LRRTM4: variants seen among roughly 807,000 people sequenced by gnomAD.
LRRTM4 encodes leucine-rich repeat transmembrane neuronal protein 4.
A neutral mutation model predicts 47.6 loss-of-function variants in LRRTM4; 25 were observed. That is an observed-to-expected ratio of 0.53 (90% CI 0.38 to 0.73). The LOEUF is 0.73. Ranked by LOEUF, LRRTM4 falls within the 30% of genes least tolerant of loss-of-function variation. LRRTM4 has a pLI of 0.00. For synonymous variants in LRRTM4, 311 were observed against 269.5 expected (o/e 1.15, Z -1.51); for missense variants, 638 against 713.4 (o/e 0.89, Z 1.20).
intron 3 of LRRTM4, among the ~76,000 whole-genome samples, chr2:77,317,061 A>G (rs1677639516): frequency 6.6e-6 from 1 of 152,230 alleles, no homozygotes; most frequent in East Asian, 1.9e-4. Flanking sequence ...AAATTATACA[A>G]GGGAATATAC....
At chr2:77,212,526 T>C (rs1674324634) in intron 3 of LRRTM4, among the ~76,000 whole-genome samples, 1 of 150,106 alleles carries the variant, frequency 6.7e-6, no homozygotes, top group Non-Finnish European at 1.5e-5. Context: ...TATATATATG[T>C]ATATATCATG....
At chr2:76,904,824 G>T (rs1179370353) in intron 3 of LRRTM4, among the ~76,000 whole-genome samples, 1 of 152,118 alleles carries the variant, frequency 6.6e-6, no homozygotes, top group East Asian at 1.9e-4. Context: ...AAGGTGTTAT[G>T]GTAAAAATAA....
chr2:77,065,985 G>T (rs939428978), intron 3 of LRRTM4, among the ~76,000 whole-genome samples: 8 of 152,100 alleles, frequency 5.3e-5, no homozygotes, highest in Admixed American at 1.3e-4. Context: ...AGATCTAATA[G>T]ATCTATACAG....
At chr2:76,810,098 G>T (rs1177723212) in intron 3 of LRRTM4, among the ~76,000 whole-genome samples, 2 of 152,136 alleles carry the variant, frequency 1.3e-5, no homozygotes, top group Non-Finnish European at 2.9e-5. Flanking sequence ...GAATGTAAAT[G>T]AAATGAAGAC....
chr2:76,972,222 G>A (rs898928162), intron 3 of LRRTM4, among the ~76,000 whole-genome samples: 9 of 151,948 alleles, frequency 5.9e-5, no homozygotes, highest in African/African-American at 2.2e-4. Context: ...TTAGGTGAGA[G>A]AGGACTGAGG....
At chr2:77,272,115 G>A (rs898998467) in intron 3 of LRRTM4, among the ~76,000 whole-genome samples, 70 of 152,074 alleles carry the variant, frequency 4.6e-4, no homozygotes, top group African/African-American at 1.5e-3. Context: ...TCTTCTCAGT[G>A]AGCATTATAA....
At chr2:76,878,296 C>A (rs757247278) in intron 3 of LRRTM4, among the ~76,000 whole-genome samples, 8 of 152,056 alleles carry the variant, frequency 5.3e-5, no homozygotes, top group Non-Finnish European at 1.0e-4. Flanking sequence ...TTCTCTCTCT[C>A]TCCTTGGGTC....
intron 3 of LRRTM4, among the ~76,000 whole-genome samples, chr2:77,361,443 C>T (rs994030332): frequency 1.3e-5 from 2 of 152,154 alleles, no homozygotes; most frequent in Non-Finnish European, 2.9e-5. Context: ...TCATTCGCTT[C>T]ATCCTTTTTC....
At chr2:77,074,490 A>T (rs1315134164) in intron 3 of LRRTM4, among the ~76,000 whole-genome samples, 1 of 152,056 alleles carries the variant, frequency 6.6e-6, no homozygotes, top group Admixed American at 6.6e-5. Context: ...CTGAAGGCTG[A>T]ATATTCAACA....
intron 3 of LRRTM4, among the ~76,000 whole-genome samples, chr2:76,906,479 C>G (rs1327477586): frequency 1.3e-5 from 2 of 152,040 alleles, no homozygotes; most frequent in African/African-American, 4.8e-5. Flanking sequence ...AAGACAGGAT[C>G]AAATTCACAC....
intron 3 of LRRTM4, among the ~76,000 whole-genome samples, chr2:76,902,543 T>C (rs1448575127): frequency 6.6e-6 from 1 of 152,158 alleles, no homozygotes; most frequent in Non-Finnish European, 1.5e-5. Context: ...TCTGGAATGT[T>C]AGAAATTTGG....
intron 3 of LRRTM4, among the ~76,000 whole-genome samples, chr2:76,856,710 C>A (rs1672162344): frequency 6.6e-6 from 1 of 151,892 alleles, no homozygotes; most frequent in Admixed American, 6.6e-5. Context: ...TATTAAATGA[C>A]TTGAAAATAT....
intron 3 of LRRTM4, among the ~76,000 whole-genome samples, chr2:76,799,077 G>C (rs1018230482): frequency 6.7e-6 from 1 of 148,264 alleles, no homozygotes; most frequent in Non-Finnish European, 1.5e-5. Context: ...TAGAAAAAGA[G>C]GGAATCCTCC....
chr2:77,223,793 T>C (rs937521401), intron 3 of LRRTM4, among the ~76,000 whole-genome samples: 4 of 152,206 alleles, frequency 2.6e-5, no homozygotes, highest in African/African-American at 9.7e-5. Context: ...CCCAAGGTAA[T>C]TGATAGATTC....
chr2:77,388,964 G>T (rs1349398936), intron 3 of LRRTM4, among the ~76,000 whole-genome samples: 1 of 151,956 alleles, frequency 6.6e-6, no homozygotes, highest in Non-Finnish European at 1.5e-5. Flanking sequence ...TTTCACTAAA[G>T]TTATGACTTA....
intron 3 of LRRTM4, among the ~76,000 whole-genome samples, chr2:76,976,925 CAT>C (rs1419134109): frequency 4.0e-5 from 6 of 151,708 alleles, no homozygotes; most frequent in Non-Finnish European, 8.8e-5. Context: ...ACATTGTATA[CAT>C]GTGTCGAAAT....
chr2:76,909,205 C>A (rs1208654038), intron 3 of LRRTM4, among the ~76,000 whole-genome samples: 1 of 152,180 alleles, frequency 6.6e-6, no homozygotes, highest in East Asian at 1.9e-4. Context: ...CTACAACTAT[C>A]TGATCTTTGA....
At chr2:77,373,227 T>C (rs1672717145) in intron 3 of LRRTM4, among the ~76,000 whole-genome samples, 1 of 150,924 alleles carries the variant, frequency 6.6e-6, no homozygotes, top group African/African-American at 2.4e-5. Flanking sequence ...CAACTTGTAA[T>C]AGGGATTTTT....
chr2:76,827,612 T>C (rs991741004), intron 3 of LRRTM4, among the ~76,000 whole-genome samples: 6 of 151,986 alleles, frequency 3.9e-5, no homozygotes, highest in South Asian at 4.1e-4. Flanking sequence ...GCAATTCAAA[T>C]TGACCAAACT....
Sources: gnomAD v4.1 joint callset for allele counts (sites outside exome capture counted in the v4.1 genomes callset) on GRCh38, gnomAD v4.1.1 for gene constraint, MANE v1.5 for transcripts, NCBI Gene and HGNC (gene_info 2026-07-23, HGNC 2026-07-21) for gene names.